The following ARPC2 variants were observed in gnomAD, a reference collection of about 807,000 sequenced individuals.
The protein encoded by ARPC2 is actin related protein 2/3 complex subunit 2, also known as actin-related protein 2/3 complex subunit 2.
A neutral mutation model predicts 38.6 loss-of-function variants in ARPC2; 4 were observed. That is an observed-to-expected ratio of 0.10 (90% CI 0.05 to 0.24). ARPC2 has a LOEUF of 0.24. Among genes scored for constraint, ARPC2 ranks in the 10% least tolerant of loss-of-function variants. The pLI is 1.00. For synonymous variants in ARPC2, 125 were observed against 140.8 expected, an observed-to-expected ratio of 0.89 and a Z score of 0.79; for missense variants, 229 against 387.3, an observed-to-expected ratio of 0.59 and a Z score of 3.43.
At chr2:218,250,997 G>A (rs758695411) in intron 10 of ARPC2, among the ~76,000 whole-genome samples, 4 of 151,426 alleles carry the variant, frequency 2.6e-5, no homozygotes, top group African/African-American at 4.9e-5. Context: ...CACCACGCCC[G>A]GCTAATTTTT....
intron 7 of ARPC2, among the ~76,000 whole-genome samples, chr2:218,242,414 A>G (rs746803951): frequency 2.0e-5 from 3 of 152,228 alleles, no homozygotes; most frequent in East Asian, 1.9e-4. Flanking sequence ...ACTGGTTTTT[A>G]TATGTTCAGG....
chr2:218,217,264 G>C lies in ARPC2; in HGVS notation c.-9+10G>C. ...AGGCTTCGGGGGCCAGGTCGGTTGG[G>C]TGGGTGGGTGTCTCCACAGTCTGCG... On this transcript the variant is annotated intron_variant, in intron 1 of 10. Coordinates refer to ENST00000315717, the MANE Select transcript of ARPC2 (RefSeq NM_152862.3). 1.8e-6 allele frequency: 1 copy of C among 549,308 alleles called. No homozygotes were observed. Among genetic ancestry groups the C allele is most frequent in the East Asian group, 3.3e-5 (1 of 29,928 alleles). 34.0% of individuals were successfully genotyped at this position (549,308 alleles called of 1,614,324 possible). A position where few individuals can be genotyped will look rare whatever the true frequency, so the allele number is the denominator to read the frequency against.
intron 1 of ARPC2, 74 bp downstream of exon 1, chr2:218,217,328 C>T: frequency 1.4e-6 from 1 of 715,110 alleles, no homozygotes; most frequent in Non-Finnish European, 2.4e-6. Flanking sequence ...TTCCCTCCAC[C>T]CCGGCCCCTC....
chr2:218,248,815 T>G (rs907982), intron 8 of ARPC2, among the ~76,000 whole-genome samples: 142,497 of 152,278 alleles, frequency 0.94, 67,317 homozygotes, highest in East Asian at 1. Context: ...GTCAGGCCCA[T>G]TCAGAGCAGC....
intron 2 of ARPC2, among the ~76,000 whole-genome samples, chr2:218,223,041 A>G (rs1338525683): frequency 2.6e-5 from 4 of 152,148 alleles, no homozygotes; most frequent in Admixed American, 2.6e-4. Flanking sequence ...ACCTCAGCAT[A>G]TCTATAACTT....
At chr2:218,249,723 T>C in intron 9 of ARPC2, 98 bp from the exon 10 acceptor site, 3 of 1,210,708 alleles carry the variant, frequency 2.5e-6, no homozygotes, top group South Asian at 1.4e-5. Flanking sequence ...CCAGGGTGTA[T>C]GTTCCCAACC....
intron 7 of ARPC2, 22 bp downstream of exon 7, chr2:218,239,506 G>A (rs746741120): frequency 1.3e-6 from 2 of 1,587,586 alleles, no homozygotes; most frequent in Admixed American, 1.7e-5. Flanking sequence ...ACATCTTGGG[G>A]GAAACCCATG....
chr2:218,236,879 C>T (rs572339709), intron 5 of ARPC2: 15 of 152,094 alleles, frequency 9.9e-5, no homozygotes, highest in African/African-American at 3.6e-4. Context: ...GTGTGAAAGC[C>T]ATACAGTTCT....
intron 10 of ARPC2, among the ~76,000 whole-genome samples, chr2:218,251,058 A>ACT (rs951345186): frequency 5.3e-5 from 8 of 151,568 alleles, no homozygotes; most frequent in Admixed American, 2.6e-4. Context: ...CTGGTCTAGA[A>ACT]CTCGTGAGCT....
chr2:218,244,322 C>T (rs1466241050), intron 7 of ARPC2, among the ~76,000 whole-genome samples: 1 of 152,194 alleles, frequency 6.6e-6, no homozygotes, highest in Non-Finnish European at 1.5e-5. Context: ...CTTTCTTTTG[C>T]CACTAATTGT....
intron 3 of ARPC2, 96 bp downstream of exon 3, chr2:218,226,050 T>A: frequency 1.6e-6 from 2 of 1,288,422 alleles, no homozygotes; most frequent in Non-Finnish European, 2.2e-6. Context: ...ATCCCAGCAC[T>A]TTGGGAGTCC....
intron 10 of ARPC2, among the ~76,000 whole-genome samples, chr2:218,251,269 A>C (rs1259588241): frequency 6.6e-6 from 1 of 152,124 alleles, no homozygotes; most frequent in Non-Finnish European, 1.5e-5. Context: ...TGGAGTGCAG[A>C]GGCACAATCT....
At chr2:218,219,429 A>T (rs900541805) in intron 2 of ARPC2, among the ~76,000 whole-genome samples, 5 of 151,244 alleles carry the variant, frequency 3.3e-5, no homozygotes, top group Non-Finnish European at 5.9e-5. Context: ...TGCTCACTGC[A>T]ACCTCGCCCT....
At chr2:218,217,682 A>G (rs1689286292) in intron 2 of ARPC2, 138 bp downstream of exon 2, 3 of 925,466 alleles carry the variant, frequency 3.2e-6, no homozygotes, top group Non-Finnish European at 4.9e-6. Flanking sequence ...CCAGCGGGGT[A>G]GACGTGGGAG....
chr2:218,249,658 T>TAGCAG, intron 9 of ARPC2, 163 bp from the exon 10 acceptor site: 2 of 776,056 alleles, frequency 2.6e-6, no homozygotes, highest in Non-Finnish European at 2.0e-6. Flanking sequence ...CAGAGATGAA[T>TAGCAG]ATTTGTTTCC....
chr2:218,252,587 C>G (rs1690217400), intron 10 of ARPC2, among the ~76,000 whole-genome samples: 1 of 152,152 alleles, frequency 6.6e-6, no homozygotes, highest in Non-Finnish European at 1.5e-5. Flanking sequence ...CAGTAGAGGC[C>G]AAGAGGTAAA....
intron 7 of ARPC2, among the ~76,000 whole-genome samples, chr2:218,240,240 ACCGCGCCCAGC>A (rs1323514354): frequency 1.3e-5 from 2 of 152,112 alleles, no homozygotes; most frequent in Non-Finnish European, 2.9e-5. Flanking sequence ...GGCATGAGCC[ACCGCGCCCAGC>A]CTGATATTTT....
At chr2:218,225,678 G>A (rs779263325) in intron 2 of ARPC2, among the ~76,000 whole-genome samples, 32 of 152,190 alleles carry the variant, frequency 2.1e-4, no homozygotes, top group Non-Finnish European at 3.1e-4. Flanking sequence ...AACAGCAGGT[G>A]AAAAACAAAA....
At chr2:218,239,842 C>T (rs1434824388) in intron 7 of ARPC2, among the ~76,000 whole-genome samples, 1 of 152,092 alleles carries the variant, frequency 6.6e-6, no homozygotes, top group Non-Finnish European at 1.5e-5. Flanking sequence ...ATGCCCATCT[C>T]GGCCTCCCAA....
Sources: gnomAD v4.1 joint callset for allele counts (sites outside exome capture counted in the v4.1 genomes callset) on GRCh38, gnomAD v4.1.1 for gene constraint, MANE v1.5 for transcripts, NCBI Gene and HGNC (gene_info 2026-07-23, HGNC 2026-07-21) for gene names.